Variants in IL1RAPL2 observed in about 807,000 individuals in gnomAD.
IL1RAPL2 encodes X-linked interleukin-1 receptor accessory protein-like 2.
IL1RAPL2 carries 3 observed loss-of-function variants against 44.1 expected under a neutral mutation model. The observed-to-expected ratio is 0.07, with a 90% CI of 0.03 to 0.18. The LOEUF (loss-of-function observed/expected upper bound fraction) is 0.18. IL1RAPL2 is among the 10% of genes least tolerant of loss of function. The pLI is 1.00. For missense variants in IL1RAPL2, 391 were observed against 496.4 expected, an observed-to-expected ratio of 0.79 and a Z score of 2.02; for synonymous variants, 181 against 178.8, an observed-to-expected ratio of 1.01 and a Z score of -0.10.
At chrX:105,305,436 T>C (rs1056364582) in intron 5 of IL1RAPL2, among the ~76,000 whole-genome samples, 12 of 111,378 alleles carry the variant, frequency 1.1e-4, no homozygotes, top group Admixed American at 2.9e-4. Flanking sequence ...AATATCTTTT[T>C]TCATTTTTCT....
chrX:104,675,413 T>C (rs1475792607), intron 2 of IL1RAPL2, among the ~76,000 whole-genome samples: 1 of 111,718 alleles, frequency 9.0e-6, no homozygotes, highest in Admixed American at 9.5e-5. Context: ...GCGGTTTTGA[T>C]TGAGATTCTT....
At chrX:105,188,752 C>T (rs1291015177) in intron 2 of IL1RAPL2, among the ~76,000 whole-genome samples, 1 of 112,175 alleles carries the variant, frequency 8.9e-6, no homozygotes, top group African/African-American at 3.2e-5. Flanking sequence ...TTTTTAAAAA[C>T]TTGAGGCAAT....
At chrX:105,547,000 C>T (rs2036807118) in intron 6 of IL1RAPL2, among the ~76,000 whole-genome samples, 1 of 111,609 alleles carries the variant, frequency 9.0e-6, no homozygotes, top group South Asian at 3.8e-4. Context: ...ATTTTCTCCT[C>T]CAGTCCCTCG....
intron 3 of IL1RAPL2, among the ~76,000 whole-genome samples, chrX:105,226,564 T>A (rs1340815150): frequency 9.3e-6 from 1 of 107,342 alleles, no homozygotes; most frequent in African/African-American, 3.4e-5. Context: ...TGCCAGCTAT[T>A]TTTTTGTTTT....
intron 8 of IL1RAPL2, among the ~76,000 whole-genome samples, chrX:105,747,512 GTGTGTA>G (rs1217418225): frequency 3.7e-4 from 20 of 54,190 alleles, no homozygotes; most frequent in African/African-American, 6.4e-4. Flanking sequence ...GTGTGTGTGT[GTGTGTA>G]TATATATATA....
chrX:105,033,469 T>C (rs1160972226), intron 2 of IL1RAPL2, among the ~76,000 whole-genome samples: 2 of 111,583 alleles, frequency 1.8e-5, no homozygotes, highest in Non-Finnish European at 3.8e-5. Flanking sequence ...ATTTTATTTT[T>C]CCTTCACTTA....
At chrX:105,601,895 C>G (rs1428434525) in intron 6 of IL1RAPL2, among the ~76,000 whole-genome samples, 2 of 110,817 alleles carry the variant, frequency 1.8e-5, no homozygotes, top group African/African-American at 6.6e-5. Context: ...GCACACAAGC[C>G]CACATAGCAT....
At chrX:105,574,561 C>T (rs1369124407) in intron 6 of IL1RAPL2, among the ~76,000 whole-genome samples, 1 of 111,938 alleles carries the variant, frequency 8.9e-6, no homozygotes, top group Non-Finnish European at 1.9e-5. Flanking sequence ...CTAGCTTTCC[C>T]AGAGCTGTCT....
intron 2 of IL1RAPL2, among the ~76,000 whole-genome samples, chrX:105,016,327 C>T (rs2031174345): frequency 1.8e-5 from 2 of 111,129 alleles, no homozygotes; most frequent in Admixed American, 1.9e-4. Context: ...CCTGATTGCC[C>T]TAGCCAGAAC....
chrX:105,393,233 A>G (rs7056963), intron 5 of IL1RAPL2, among the ~76,000 whole-genome samples: 21,098 of 109,186 alleles, frequency 0.19, 5,046 homozygotes, highest in African/African-American at 0.67. Context: ...AGTGTGGAAA[A>G]TGGTCCTCAT....
chrX:104,901,281 G>C (rs755551081), intron 2 of IL1RAPL2, among the ~76,000 whole-genome samples: 4 of 85,734 alleles, frequency 4.7e-5, no homozygotes, highest in Non-Finnish European at 6.3e-5. Context: ...TGTGATCTCC[G>C]CTCACTGCAA....
chrX:105,096,513 TA>T (rs2032605215), intron 2 of IL1RAPL2, among the ~76,000 whole-genome samples: 1 of 112,398 alleles, frequency 8.9e-6, no homozygotes, highest in Non-Finnish European at 1.9e-5. Context: ...TATTTTGACA[TA>T]AAAAGGGAAT....
intron 2 of IL1RAPL2, among the ~76,000 whole-genome samples, chrX:104,804,754 A>T (rs760827553): frequency 8.9e-6 from 1 of 112,424 alleles, no homozygotes; most frequent in Admixed American, 9.4e-5. Flanking sequence ...CAATAAGTCA[A>T]GTATTCATTA....
intron 1 of IL1RAPL2, among the ~76,000 whole-genome samples, chrX:104,607,632 A>G (rs1337637397): frequency 8.9e-6 from 1 of 112,508 alleles, no homozygotes; most frequent in African/African-American, 3.2e-5. Flanking sequence ...ATACGAAAAA[A>G]TGCTCATCAT....
At chrX:104,708,473 A>G (rs1931398513) in intron 2 of IL1RAPL2, among the ~76,000 whole-genome samples, 1 of 110,872 alleles carries the variant, frequency 9.0e-6, no homozygotes, top group African/African-American at 3.3e-5. Context: ...AGACCTTTTT[A>G]TCTGTCAAGT....
intron 2 of IL1RAPL2, among the ~76,000 whole-genome samples, chrX:104,722,887 A>G (rs188969813): frequency 8.9e-6 from 1 of 111,860 alleles, no homozygotes; most frequent in East Asian, 2.8e-4. Context: ...CAGAGCATGC[A>G]TTCTAATGAA....
chrX:105,097,874 G>A (rs1223041065), intron 2 of IL1RAPL2, among the ~76,000 whole-genome samples: 2 of 111,062 alleles, frequency 1.8e-5, no homozygotes, highest in African/African-American at 3.3e-5. Flanking sequence ...TACCCGTTAC[G>A]TCACAAGGTT....
chrX:105,456,143 A>T (rs1219641249), intron 5 of IL1RAPL2, among the ~76,000 whole-genome samples: 1 of 112,028 alleles, frequency 8.9e-6, no homozygotes, highest in Non-Finnish European at 1.9e-5. Context: ...GTGTATAGAA[A>T]TGTTAGTGAT....
intron 5 of IL1RAPL2, among the ~76,000 whole-genome samples, chrX:105,464,742 T>A (rs370502508): frequency 5.4e-5 from 6 of 111,248 alleles, no homozygotes; most frequent in Non-Finnish European, 1.1e-4. Flanking sequence ...AAGGTAAAAT[T>A]TCTCAACATG....
Sources: gnomAD v4.1 joint callset for allele counts (sites outside exome capture counted in the v4.1 genomes callset) on GRCh38, gnomAD v4.1.1 for gene constraint, MANE v1.5 for transcripts, NCBI Gene and HGNC (gene_info 2026-07-23, HGNC 2026-07-21) for gene names.